ZDHHC15: variants seen among roughly 807,000 people sequenced by gnomAD.
ZDHHC15 encodes the protein palmitoyltransferase ZDHHC15.
ZDHHC15 carries 19 observed loss-of-function variants against 31.7 expected under a neutral mutation model. That is an observed-to-expected ratio of 0.60 (90% CI 0.42 to 0.88). The LOEUF (loss-of-function observed/expected upper bound fraction) is 0.88, where lower values mean the gene tolerates loss of function less well. Ranked by LOEUF, ZDHHC15 falls within the 40% of genes least tolerant of loss-of-function variation. ZDHHC15 has a pLI of 0.00. For synonymous variants in ZDHHC15, 103 were observed against 90.0 expected (o/e 1.14, Z -0.82); for missense variants, 209 against 251.2 (o/e 0.83, Z 1.14).
chrX:75,443,342 A>G (rs2083974968), intron 4 of ZDHHC15, among the ~76,000 whole-genome samples: 1 of 111,511 alleles, frequency 9.0e-6, no homozygotes, highest in Admixed American at 9.5e-5. Context: ...ATCTTTGACA[A>G]ACCTGAAAAA....
At chrX:75,465,101 G>T (rs1253900275) in intron 3 of ZDHHC15, among the ~76,000 whole-genome samples, 1 of 112,335 alleles carries the variant, frequency 8.9e-6, no homozygotes, top group African/African-American at 3.2e-5. Flanking sequence ...AGCAACTTCA[G>T]CAAGGTCTCA....
At chrX:75,440,560 T>C (rs1367083620) in intron 4 of ZDHHC15, among the ~76,000 whole-genome samples, 1 of 112,857 alleles carries the variant, frequency 8.9e-6, no homozygotes, top group Non-Finnish European at 1.9e-5. Flanking sequence ...ATTACAGGCG[T>C]GAGCCACCGT....
intron 3 of ZDHHC15, among the ~76,000 whole-genome samples, chrX:75,462,802 C>T (rs952173749): frequency 9.0e-6 from 1 of 110,573 alleles, no homozygotes; most frequent in Non-Finnish European, 1.9e-5. Context: ...GCACTAAATC[C>T]CCACACCAAA....
chrX:75,424,249 G>A (rs1443649953), intron 8 of ZDHHC15, among the ~76,000 whole-genome samples: 8 of 109,913 alleles, frequency 7.3e-5, no homozygotes, highest in African/African-American at 2.7e-4. Flanking sequence ...TTTTAGATGT[G>A]CATAATAAAT....
At chrX:75,426,178 T>A (rs367767725) in intron 7 of ZDHHC15, among the ~76,000 whole-genome samples, 2 of 112,701 alleles carry the variant, frequency 1.8e-5, no homozygotes, top group Non-Finnish European at 3.8e-5. Context: ...TTGCCTTGAC[T>A]GTGTTTTTGC....
At chrX:75,506,863 A>G (rs2085173454) in intron 1 of ZDHHC15, among the ~76,000 whole-genome samples, 1 of 112,013 alleles carries the variant, frequency 8.9e-6, no homozygotes, top group African/African-American at 3.2e-5. Context: ...GAGCTGATAA[A>G]TTGCTGTTTG....
chrX:75,391,772 G>A (rs1477734397), intron 10 of ZDHHC15, among the ~76,000 whole-genome samples: 3 of 111,775 alleles, frequency 2.7e-5, no homozygotes, highest in Non-Finnish European at 5.7e-5. Flanking sequence ...AAATTTGAAG[G>A]TACAAAACTC....
At chrX:75,520,362 C>T (rs1399768296) in intron 1 of ZDHHC15, among the ~76,000 whole-genome samples, 4 of 111,884 alleles carry the variant, frequency 3.6e-5, no homozygotes, top group Non-Finnish European at 7.5e-5. Flanking sequence ...CCTCAGTTTA[C>T]ACATTTGTAC....
intron 3 of ZDHHC15, among the ~76,000 whole-genome samples, chrX:75,460,932 G>A (rs185314598): frequency 1.2e-3 from 131 of 111,925 alleles, no homozygotes; most frequent in African/African-American, 4.1e-3. Flanking sequence ...ACTGGGCTGA[G>A]GTTAAGATGC....
chrX:75,448,896 T>C (rs1005071225), intron 4 of ZDHHC15, among the ~76,000 whole-genome samples: 10 of 110,739 alleles, frequency 9.0e-5, no homozygotes, highest in African/African-American at 3.3e-4. Context: ...ATCTAGACTG[T>C]GTAAAGCAGA....
At chrX:75,412,210 A>G (rs1314424650) in intron 10 of ZDHHC15, among the ~76,000 whole-genome samples, 2 of 111,651 alleles carry the variant, frequency 1.8e-5, no homozygotes, top group Non-Finnish European at 3.8e-5. Flanking sequence ...AGAAAACAGT[A>G]TGGAGGTTCT....
chrX:75,441,621 C>CT (rs745335984), intron 4 of ZDHHC15, among the ~76,000 whole-genome samples: 3,837 of 92,233 alleles, frequency 0.042, 138 homozygotes, highest in African/African-American at 0.088. Context: ...TGTGGTAGTT[C>CT]TTTTTTTTTT....
intron 9 of ZDHHC15, among the ~76,000 whole-genome samples, chrX:75,418,636 G>C (rs2083578220): frequency 1.8e-5 from 2 of 111,805 alleles, no homozygotes; most frequent in African/African-American, 6.5e-5. Context: ...CAATGGAACA[G>C]AACAGAGGCC....
At chrX:75,510,429 A>G (rs1163813018) in intron 1 of ZDHHC15, among the ~76,000 whole-genome samples, 1 of 105,162 alleles carries the variant, frequency 9.5e-6, no homozygotes, top group Non-Finnish European at 1.9e-5. Context: ...GCTTGAATGG[A>G]TACTTTTACC....
rs181548340 is a variant in ZDHHC15, at chrX:75,500,341, T to A, written c.163+5480A>T. 4.5e-5 allele frequency among the ~76,000 whole-genome samples: 5 copies of A among 110,310 alleles called. No homozygotes were observed. The East Asian group carries it at 1.4e-3, about 31-fold the overall frequency. ...ATACTATGAAATACTCGGAGATCAT[T>A]TTAAAATGAAATATATTTGTATATA... is the stretch of plus-strand genomic sequence containing the variant. On this transcript the variant is annotated intron_variant, in intron 2 of 11. Transcript: ENST00000373367.
intron 2 of ZDHHC15, among the ~76,000 whole-genome samples, chrX:75,481,811 G>T (rs774487909): frequency 8.9e-6 from 1 of 111,927 alleles, no homozygotes; most frequent in Non-Finnish European, 1.9e-5. Context: ...TCAAATTTCA[G>T]TCTGCATCAA....
At chrX:75,427,740 T>G (rs1310381795) in intron 7 of ZDHHC15, among the ~76,000 whole-genome samples, 1 of 111,748 alleles carries the variant, frequency 8.9e-6, no homozygotes. Context: ...TGAAGCATTT[T>G]ATATTTGTAG....
chrX:75,479,007 T>A, intron 2 of ZDHHC15, 22 bp from the exon 3 acceptor site: 1 of 1,012,153 alleles, frequency 9.9e-7, no homozygotes, highest in Non-Finnish European at 1.3e-6. Flanking sequence ...AAAAAATCAG[T>A]GTTTATACTA....
chrX:75,429,309 G>A (rs2083750108), intron 6 of ZDHHC15, 111 bp from the exon 7 acceptor site: 4 of 950,114 alleles, frequency 4.2e-6, no homozygotes, highest in African/African-American at 2.0e-5. Context: ...TTCATTATGT[G>A]TCGTGTAAAA....
Sources: gnomAD v4.1 joint callset for allele counts (sites outside exome capture counted in the v4.1 genomes callset) on GRCh38, gnomAD v4.1.1 for gene constraint, MANE v1.5 for transcripts, NCBI Gene and HGNC (gene_info 2026-07-23, HGNC 2026-07-21) for gene names.